GRIK4: variants seen among roughly 807,000 people sequenced by gnomAD.
GRIK4 encodes the protein glutamate ionotropic receptor kainate type subunit 4.
GRIK4 carries 40 observed loss-of-function variants against 104.9 expected under a neutral mutation model. The ratio of observed to expected loss-of-function variants is 0.38; its 90% CI spans 0.30 to 0.50. The LOEUF is 0.50. GRIK4 is among the 20% of genes least tolerant of loss of function. The pLI is 0.93. For synonymous variants in GRIK4, 485 were observed against 524.9 expected, an observed-to-expected ratio of 0.92 and a Z score of 1.04; for missense variants, 1,047 against 1,308.1, an observed-to-expected ratio of 0.80 and a Z score of 3.08.
At chr11:120,713,039 ACT>A (rs1950766081) in intron 3 of GRIK4, among the ~76,000 whole-genome samples, 1 of 152,022 alleles carries the variant, frequency 6.6e-6, no homozygotes, top group Non-Finnish European at 1.5e-5. Flanking sequence ...ACTTTGAGAC[ACT>A]CTGCTATTAT....
rs73003732 is a variant in GRIK4 at position 120,820,368 on chromosome 11, G to A, written c.511+448G>A. Reference sequence around the variant, plus strand: ...TGGATGCATTTGTACTTGATGGGTTGAAGAACTTCTTCCCCTGGAGAGCAG... The same window carrying A: ...TGGATGCATTTGTACTTGATGGGTTAAAGAACTTCTTCCCCTGGAGAGCAG... On this transcript the variant is annotated intron_variant, in intron 6 of 20. Coordinates refer to ENST00000527524, the MANE Select transcript of GRIK4 (RefSeq NM_014619.5). Among the ~76,000 whole-genome samples the A allele has an allele frequency of 4.2e-3, 641 of 152,314 alleles. 8 individuals are homozygous for A. Among genetic ancestry groups the A allele is most frequent in the Non-Finnish European group, 7.6e-3 (518 of 68,024 alleles).
intron 3 of GRIK4, among the ~76,000 whole-genome samples, chr11:120,748,915 A>G (rs1472926664): frequency 2.6e-5 from 4 of 152,214 alleles, no homozygotes; most frequent in Non-Finnish European, 4.4e-5. Context: ...GGTCTCCTCA[A>G]AAATAGTGGT....
At chr11:120,661,748 GA>G (rs1949821095) in intron 3 of GRIK4, among the ~76,000 whole-genome samples, 2 of 152,142 alleles carry the variant, frequency 1.3e-5, no homozygotes, top group East Asian at 3.9e-4. Flanking sequence ...TGCAAATGCA[GA>G]GGAGCTGATT....
At chr11:120,791,765 T>C (rs1423681429) in intron 3 of GRIK4, among the ~76,000 whole-genome samples, 2 of 152,214 alleles carry the variant, frequency 1.3e-5, no homozygotes, top group African/African-American at 4.8e-5. Flanking sequence ...TTTTTGCATA[T>C]GGCATGAGTA....
At chr11:120,603,743 G>T (rs1024643371) in intron 1 of GRIK4, among the ~76,000 whole-genome samples, 7 of 152,132 alleles carry the variant, frequency 4.6e-5, no homozygotes, top group Admixed American at 3.9e-4. Flanking sequence ...TTTTCATTTG[G>T]GGGGAAGGTT....
intron 1 of GRIK4, among the ~76,000 whole-genome samples, chr11:120,597,802 C>G (rs532124770): frequency 2.0e-5 from 3 of 152,108 alleles, no homozygotes; most frequent in Non-Finnish European, 2.9e-5. Flanking sequence ...TTTTAGCGAC[C>G]TCTGTGAGAT....
At chr11:120,914,331 C>G (rs1943061649) in intron 13 of GRIK4, among the ~76,000 whole-genome samples, 1 of 152,230 alleles carries the variant, frequency 6.6e-6, no homozygotes, top group Admixed American at 6.5e-5. Flanking sequence ...GGGCCAGGCA[C>G]TGTTCTGAGC....
chr11:120,579,040 C>G (rs1366622961), intron 1 of GRIK4, among the ~76,000 whole-genome samples: 1 of 152,150 alleles, frequency 6.6e-6, no homozygotes, highest in Non-Finnish European at 1.5e-5. Context: ...CCCAGGAAGG[C>G]TTGGAGGCAT....
rs190125688 is a variant in GRIK4, at chr11:120,748,599, G to A, written c.83-54094G>A. 8.4e-4 allele frequency among the ~76,000 whole-genome samples: 128 copies of A among 152,204 alleles called. 1 individual carries two copies. The highest frequency in any genetic ancestry group is 6.2e-3 in the Admixed American group (95 of 15,292). ...GAAGAGAGTGAGGAAGGAATGAAACGTGCCTGTGTTTTGCTGACTCTGGCA... is the reference window on the plus strand; with the variant it reads ...GAAGAGAGTGAGGAAGGAATGAAACATGCCTGTGTTTTGCTGACTCTGGCA... On this transcript the variant is annotated intron_variant, in intron 3 of 20. Coordinates refer to ENST00000527524, the MANE Select transcript of GRIK4 (RefSeq NM_014619.5).
intron 3 of GRIK4, among the ~76,000 whole-genome samples, chr11:120,706,264 C>G (rs539381040): frequency 2.0e-5 from 3 of 152,330 alleles, no homozygotes; most frequent in South Asian, 2.1e-4. Context: ...TTTTTATCAC[C>G]AACTCCACCC....
At chr11:120,850,880 A>G (rs1299863593) in intron 8 of GRIK4, among the ~76,000 whole-genome samples, 2 of 151,304 alleles carry the variant, frequency 1.3e-5, no homozygotes, top group African/African-American at 2.4e-5. Context: ...AGGAGTAGCA[A>G]TTGCTGTTAT....
chr11:120,709,378 A>G (rs751897589), intron 3 of GRIK4, among the ~76,000 whole-genome samples: 1 of 152,056 alleles, frequency 6.6e-6, no homozygotes, highest in Non-Finnish European at 1.5e-5. Flanking sequence ...TAAATAAGAC[A>G]TGGTACCTGA....
At chr11:120,687,981 AC>A (rs1254815385) in intron 3 of GRIK4, among the ~76,000 whole-genome samples, 2 of 151,994 alleles carry the variant, frequency 1.3e-5, no homozygotes, top group African/African-American at 4.8e-5. Context: ...GAAAATTGGG[AC>A]CCTATATTTG....
chr11:120,854,674 T>G (rs888840632), intron 8 of GRIK4, among the ~76,000 whole-genome samples: 1 of 152,208 alleles, frequency 6.6e-6, no homozygotes, highest in Non-Finnish European at 1.5e-5. Flanking sequence ...CCTTGAGCTA[T>G]TCTATTATTA....
At chr11:120,920,631 C>T (rs895029000) in intron 13 of GRIK4, among the ~76,000 whole-genome samples, 1 of 151,638 alleles carries the variant, frequency 6.6e-6, no homozygotes, top group African/African-American at 2.4e-5. Flanking sequence ...ATATTCCCCC[C>T]AGGAGGTGGG....
intron 10 of GRIK4, among the ~76,000 whole-genome samples, chr11:120,874,505 C>T (rs1954718545): frequency 6.6e-6 from 1 of 152,200 alleles, no homozygotes; most frequent in Non-Finnish European, 1.5e-5. Flanking sequence ...TAGCACCTGG[C>T]CTCTCTGCTC....
chr11:120,710,039 C>T (rs1950699255), intron 3 of GRIK4, among the ~76,000 whole-genome samples: 1 of 152,202 alleles, frequency 6.6e-6, no homozygotes, highest in Non-Finnish European at 1.5e-5. Flanking sequence ...AATGCTGTAC[C>T]TTGGTTTCAG....
intron 7 of GRIK4, among the ~76,000 whole-genome samples, chr11:120,835,183 T>C (rs1390821385): frequency 1.3e-5 from 2 of 152,268 alleles, no homozygotes; most frequent in East Asian, 3.9e-4. Context: ...ACAACCATGA[T>C]AGAGTTACCC....
chr11:120,634,077 C>T (rs1021764827), intron 1 of GRIK4, among the ~76,000 whole-genome samples: 1 of 152,170 alleles, frequency 6.6e-6, no homozygotes, highest in African/African-American at 2.4e-5. Flanking sequence ...CTTTCTGAAC[C>T]TCATTTCTAA....
Sources: gnomAD v4.1 joint callset for allele counts (sites outside exome capture counted in the v4.1 genomes callset) on GRCh38, gnomAD v4.1.1 for gene constraint, MANE v1.5 for transcripts, NCBI Gene and HGNC (gene_info 2026-07-23, HGNC 2026-07-21) for gene names.